RFX7: variants seen among roughly 807,000 people sequenced by gnomAD.
The protein encoded by RFX7 is DNA-binding protein RFX7.
RFX7 carries 26 observed loss-of-function variants against 111.8 expected under a neutral mutation model. The ratio of observed to expected loss-of-function variants is 0.23; its 90% confidence interval spans 0.17 to 0.32. The LOEUF is 0.32. RFX7 is among the 10% of genes least tolerant of loss of function. RFX7 has a pLI of 1.00. For synonymous variants in RFX7, 624 were observed against 624.4 expected (o/e 1.00, Z 0.01); for missense variants, 1,573 against 1,772.9 (o/e 0.89, Z 2.02).
chr15:56,234,629 C>G (rs2043602846), intron 2 of RFX7, among the ~76,000 whole-genome samples: 1 of 152,054 alleles, frequency 6.6e-6, no homozygotes, highest in Admixed American at 6.5e-5. Flanking sequence ...CCAGAAGCAC[C>G]AACTTTACTC....
chr15:56,146,795 C>T (rs973057013), intron 3 of RFX7, among the ~76,000 whole-genome samples: 6 of 151,946 alleles, frequency 3.9e-5, no homozygotes, highest in Non-Finnish European at 5.9e-5. Flanking sequence ...TGGGGTACAA[C>T]ACATAGAAGA....
intron 2 of RFX7, among the ~76,000 whole-genome samples, chr15:56,188,288 AAC>A (rs1464199833): frequency 6.6e-6 from 1 of 152,186 alleles, no homozygotes; most frequent in Non-Finnish European, 1.5e-5. Flanking sequence ...AAAAATAATA[AAC>A]AGAGCTTCAG....
chr15:56,114,335 C>T (rs767998208), intron 5 of RFX7, among the ~76,000 whole-genome samples: 4 of 145,820 alleles, frequency 2.7e-5, no homozygotes, highest in South Asian at 4.8e-4. Context: ...TGCTTTAACC[C>T]GGGAGGTGGA....
intron 2 of RFX7, 63 bp downstream of exon 2, chr15:56,243,062 C>CCCCCCCCGTT: frequency 9.5e-7 from 1 of 1,049,048 alleles, no homozygotes; most frequent in Non-Finnish European, 1.3e-6. Context: ...CGCCGCCCCC[C>CCCCCCCCGTT]ACCCACTTTG....
chr15:56,172,812 G>A (rs2141113719), intron 3 of RFX7, among the ~76,000 whole-genome samples: 1 of 152,310 alleles, frequency 6.6e-6, no homozygotes, highest in South Asian at 2.1e-4. Context: ...AAGAGGGTGT[G>A]AAGGGGCCTA....
intron 5 of RFX7, among the ~76,000 whole-genome samples, chr15:56,138,897 A>T (rs2042346096): frequency 6.6e-6 from 1 of 152,086 alleles, no homozygotes; most frequent in Admixed American, 6.5e-5. Context: ...CTGGATATGA[A>T]ATTCTGGGTT....
At chr15:56,127,313 T>A (rs1248171918) in intron 5 of RFX7, among the ~76,000 whole-genome samples, 1 of 151,460 alleles carries the variant, frequency 6.6e-6, no homozygotes, top group African/African-American at 2.4e-5. Context: ...ATATGGGATG[T>A]AGTCAAAGAA....
At chr15:56,108,191 C>T (rs2041857412) in intron 5 of RFX7, among the ~76,000 whole-genome samples, 1 of 152,178 alleles carries the variant, frequency 6.6e-6, no homozygotes, top group African/African-American at 2.4e-5. Context: ...AAGGACTCCT[C>T]CCTAACTCAT....
intron 3 of RFX7, among the ~76,000 whole-genome samples, chr15:56,160,345 T>TA (rs2141081582): frequency 6.6e-6 from 1 of 151,652 alleles, no homozygotes; most frequent in African/African-American, 2.4e-5. Flanking sequence ...TTGGTATCAG[T>TA]AAAAAGTTTT....
intron 9 of RFX7, 119 bp from the exon 10 acceptor site, chr15:56,096,739 CTA>C (rs1401250029): frequency 2.6e-6 from 3 of 1,145,332 alleles, no homozygotes; most frequent in Non-Finnish European, 3.6e-6. Flanking sequence ...AAAAAAGTTC[CTA>C]TGTTAGAAGA....
chr15:56,157,459 T>C (rs1435874311), intron 3 of RFX7, among the ~76,000 whole-genome samples: 5 of 152,252 alleles, frequency 3.3e-5, no homozygotes, highest in Admixed American at 1.3e-4. Context: ...CTTTCTCTAC[T>C]GATTTTTTGT....
chr15:56,214,701 C>A (rs1358319116), intron 2 of RFX7, among the ~76,000 whole-genome samples: 1 of 133,134 alleles, frequency 7.5e-6, no homozygotes, highest in Non-Finnish European at 1.6e-5. Context: ...GGCAAAAGAG[C>A]GAGACTCTGT....
At chr15:56,235,321 C>T (rs1435568349) in intron 2 of RFX7, among the ~76,000 whole-genome samples, 1 of 151,878 alleles carries the variant, frequency 6.6e-6, no homozygotes, top group African/African-American at 2.4e-5. Context: ...GGCTACAGGC[C>T]CCGCCACTGT....
chr15:56,114,369 C>A (rs1230234253), intron 5 of RFX7, among the ~76,000 whole-genome samples: 1 of 148,936 alleles, frequency 6.7e-6, no homozygotes, highest in Non-Finnish European at 1.5e-5. Flanking sequence ...AGAGATCACG[C>A]CACTGCACTC....
chr15:56,172,364 G>A (rs1267397793), intron 3 of RFX7, among the ~76,000 whole-genome samples: 1 of 152,156 alleles, frequency 6.6e-6, no homozygotes, highest in Non-Finnish European at 1.5e-5. Flanking sequence ...GTGGGTTTCA[G>A]GAAGGATTTC....
intron 3 of RFX7, among the ~76,000 whole-genome samples, chr15:56,160,430 A>C (rs1340493381): frequency 1.3e-5 from 2 of 152,090 alleles, no homozygotes; most frequent in African/African-American, 4.8e-5. Context: ...ATCAAGTTTA[A>C]CTGTTTCTTC....
At chr15:56,190,500 C>T (rs1234887188) in intron 2 of RFX7, among the ~76,000 whole-genome samples, 1 of 152,236 alleles carries the variant, frequency 6.6e-6, no homozygotes, top group Non-Finnish European at 1.5e-5. Context: ...CTTCAGAACT[C>T]TTCAGCATTA....
intron 4 of RFX7, among the ~76,000 whole-genome samples, chr15:56,143,777 T>C (rs1389057177): frequency 6.6e-6 from 1 of 152,180 alleles, no homozygotes; most frequent in Non-Finnish European, 1.5e-5. Context: ...TTTATTTCTA[T>C]ATACAGTTTT....
chr15:56,094,959 A>T lies in RFX7; in HGVS notation c.2769T>A (p.Ala923=), dbSNP rs746076320. 1 of 1,602,714 alleles carries T rather than the reference A, an allele frequency of 6.2e-7. No homozygotes were observed. The highest frequency in any genetic ancestry group is 1.3e-5 in the African/African-American group (1 of 74,582). ...TLQSQSVTPG[A]PMSSHTSSTH... ...TGCTGGAAGTGTGAGATGACATTGG[A>T]GCTCCTGGAGTTACTGACTGACTCT... The change falls in exon 10 of 10, where the codon GCT becomes GCA. Residue 923 remains alanine (A), a synonymous_variant. Transcript: ENST00000559447.
Sources: gnomAD v4.1 joint callset for allele counts (sites outside exome capture counted in the v4.1 genomes callset) on GRCh38, gnomAD v4.1.1 for gene constraint, MANE v1.5 for transcripts, NCBI Gene and HGNC (gene_info 2026-07-23, HGNC 2026-07-21) for gene names.